TUSC3: variants seen among roughly 807,000 people sequenced by gnomAD.
TUSC3 encodes tumor suppressor candidate 3.
TUSC3 carries 45 observed loss-of-function variants against 44.8 expected under a neutral mutation model. The ratio of observed to expected loss-of-function variants is 1.00; its 90% CI spans 0.79 to 1.29. TUSC3 has a LOEUF of 1.29. TUSC3 is among the 50% of genes most tolerant of loss of function. The pLI is 0.00. For synonymous variants in TUSC3, 212 were observed against 152.9 expected, an observed-to-expected ratio of 1.39 and a Z score of -2.85; for missense variants, 519 against 437.9, an observed-to-expected ratio of 1.19 and a Z score of -1.65.
At chr8:15,634,770 C>G (rs1805987898) in intron 2 of TUSC3, among the ~76,000 whole-genome samples, 1 of 152,216 alleles carries the variant, frequency 6.6e-6, no homozygotes, top group South Asian at 2.1e-4. Flanking sequence ...AAATCATTGT[C>G]TCCATCTGAG....
At chr8:15,538,059 A>T (rs1488415555), upstream of TUSC3, among the ~76,000 whole-genome samples, 3 of 152,124 alleles carry the variant, frequency 2.0e-5, no homozygotes, top group Non-Finnish European at 4.4e-5. Flanking sequence ...CTTGTAACTG[A>T]CTTATTAAAA....
rs549410971 is a variant in TUSC3 at position 15,616,020 on chromosome 8, G to T, written c.139-7060G>T. Among the ~76,000 whole-genome samples, 8 of 152,290 alleles carry T rather than the reference G, an allele frequency of 5.3e-5. No homozygotes were observed. In the South Asian group the frequency reaches 1.7e-3, roughly 32 times the overall value. The stretch of plus-strand genomic sequence containing the variant: ...CTCATTTAAAAAAAAATTTTGTGGA[G>T]TTGGGGCCTCACTGTGCTGCAGTCC... On this transcript the variant is annotated intron_variant, in intron 1 of 10. Coordinates refer to ENST00000503731, the MANE Select transcript of TUSC3 (RefSeq NM_006765.4).
intron 1 of TUSC3, among the ~76,000 whole-genome samples, chr8:15,459,370 A>G (rs543699786): frequency 6.6e-6 from 1 of 151,306 alleles, no homozygotes; most frequent in Non-Finnish European, 1.5e-5. Flanking sequence ...ATTTGAAGAA[A>G]CTCTTCTTTT....
chr8:15,834,421 C>T, the TUSC3 span, among the ~76,000 whole-genome samples: 4 of 152,126 alleles, frequency 2.6e-5, no homozygotes, highest in African/African-American at 9.7e-5. Flanking sequence ...TACCTTTGTT[C>T]TCTTTCTGCC....
At chr8:15,495,349 G>A (rs1181460068) in intron 2 of TUSC3, among the ~76,000 whole-genome samples, 1 of 152,144 alleles carries the variant, frequency 6.6e-6, no homozygotes, top group Non-Finnish European at 1.5e-5. Flanking sequence ...AGAACCCAAT[G>A]TTGGTGTTTT....
intron 2 of TUSC3, among the ~76,000 whole-genome samples, chr8:15,626,612 G>A (rs1368308410): frequency 1.3e-5 from 2 of 152,192 alleles, no homozygotes; most frequent in Non-Finnish European, 2.9e-5. Context: ...CAGTGGCCCA[G>A]GAAGGCCCCC....
intron 1 of TUSC3, among the ~76,000 whole-genome samples, chr8:15,559,615 C>A (rs1321315392): frequency 7.2e-6 from 1 of 139,090 alleles, no homozygotes; most frequent in African/African-American, 2.6e-5. Flanking sequence ...CTAAAGTCTC[C>A]CATTATTAAT....
At chr8:15,588,275 C>T (rs1298588359) in intron 1 of TUSC3, among the ~76,000 whole-genome samples, 3 of 152,108 alleles carry the variant, frequency 2.0e-5, no homozygotes, top group Non-Finnish European at 4.4e-5. Flanking sequence ...GATGTTATCT[C>T]ACAGTGGTTT....
At chr8:15,500,492 T>C (rs1020595395) in intron 2 of TUSC3, among the ~76,000 whole-genome samples, 4 of 152,136 alleles carry the variant, frequency 2.6e-5, no homozygotes, top group Non-Finnish European at 5.9e-5. Flanking sequence ...TGAGAACTAG[T>C]CACTGTTAAC....
intron 1 of TUSC3, among the ~76,000 whole-genome samples, chr8:15,448,029 A>G (rs1279454728): frequency 6.7e-6 from 1 of 150,222 alleles, no homozygotes; most frequent in Non-Finnish European, 1.5e-5. Flanking sequence ...AGGCATAATT[A>G]GTGGCTACCG....
At chr8:15,748,951 C>T in intron 9 of TUSC3, 1 of 350,896 alleles carries the variant, frequency 2.8e-6, no homozygotes, top group Non-Finnish European at 5.5e-6. Flanking sequence ...ACGAGTATCT[C>T]ATAAGATTTT....
chr8:15,654,859 T>C (rs1807084210), intron 3 of TUSC3, among the ~76,000 whole-genome samples: 1 of 152,304 alleles, frequency 6.6e-6, no homozygotes. Context: ...GAAGGTATTA[T>C]GATATCCTGG....
At chr8:15,511,991 G>A (rs369734138) in intron 2 of TUSC3, among the ~76,000 whole-genome samples, 7 of 152,190 alleles carry the variant, frequency 4.6e-5, no homozygotes, top group South Asian at 4.1e-4. Context: ...TCCAGTAAGC[G>A]TGTTTAGAAA....
At chr8:15,430,479 C>G (rs1035734598) in intron 1 of TUSC3, among the ~76,000 whole-genome samples, 1 of 150,368 alleles carries the variant, frequency 6.7e-6, no homozygotes, top group African/African-American at 2.5e-5. Context: ...GGATGTATCT[C>G]AAAATAATAA....
chr8:15,555,341 C>A (rs62504173), intron 1 of TUSC3, among the ~76,000 whole-genome samples: 26,633 of 127,288 alleles, frequency 0.21, 2,824 homozygotes, highest in Middle Eastern at 0.3. Context: ...GTTGCCCAGG[C>A]TGGAGTGCAG....
chr8:15,540,131 T>TCTTCCC, upstream of TUSC3: 1 of 373,876 alleles, frequency 2.7e-6, no homozygotes, highest in Non-Finnish European at 4.8e-6. Flanking sequence ...TCCTCAGCGC[T>TCTTCCC]GGTCCGGGAA....
At chr8:15,637,187 C>CT (rs1192082567) in intron 2 of TUSC3, among the ~76,000 whole-genome samples, 2 of 152,124 alleles carry the variant, frequency 1.3e-5, no homozygotes, top group Non-Finnish European at 2.9e-5. Context: ...TTCAGGGACT[C>CT]TAATTCTCCA....
At chr8:15,636,582 C>G (rs1388277097) in intron 2 of TUSC3, among the ~76,000 whole-genome samples, 1 of 152,186 alleles carries the variant, frequency 6.6e-6, no homozygotes, top group East Asian at 1.9e-4. Flanking sequence ...AGGCATTAGT[C>G]AGCAGAATTC....
chr8:15,776,915 C>T, the TUSC3 span, among the ~76,000 whole-genome samples: 1 of 141,034 alleles, frequency 7.1e-6, no homozygotes, highest in Non-Finnish European at 1.5e-5. Context: ...TTACGTGTAA[C>T]ACTGTCATGT....
Sources: allele counts gnomAD v4.1 joint callset (sites outside exome capture counted in the v4.1 genomes callset), GRCh38; gene constraint gnomAD v4.1.1; transcripts MANE v1.5; gene names NCBI Gene and HGNC (gene_info 2026-07-23, HGNC 2026-07-21).